KLHL6: variants seen among roughly 807,000 people sequenced by gnomAD.
KLHL6 encodes kelch like family member 6, also known as kelch-like protein 6.
A neutral mutation model predicts 58.6 loss-of-function variants in KLHL6; 41 were observed. The observed-to-expected ratio is 0.70, with a 90% confidence interval of 0.55 to 0.91. KLHL6 has a LOEUF of 0.91. Among genes scored for constraint, KLHL6 ranks in the 40% least tolerant of loss-of-function variants. The pLI is 0.00. For missense variants in KLHL6, 714 were observed against 805.6 expected (o/e 0.89, Z 1.38); for synonymous variants, 338 against 322.7 (o/e 1.05, Z -0.51).
intron 2 of KLHL6, among the ~76,000 whole-genome samples, chr3:183,525,186 C>T (rs1255593727): frequency 6.6e-6 from 1 of 151,754 alleles, no homozygotes; most frequent in Non-Finnish European, 1.5e-5. Flanking sequence ...ATCACTTGAA[C>T]CCGGGAGGCG....
At chr3:183,507,839 A>G (rs1718052947) in intron 3 of KLHL6, among the ~76,000 whole-genome samples, 2 of 152,128 alleles carry the variant, frequency 1.3e-5, no homozygotes, top group African/African-American at 4.8e-5. Flanking sequence ...TGATTTCTAC[A>G]TCTCACCTAA....
intron 1 of KLHL6, among the ~76,000 whole-genome samples, chr3:183,546,986 T>C (rs1304740532): frequency 1.3e-5 from 2 of 150,896 alleles, no homozygotes; most frequent in Non-Finnish European, 2.9e-5. Flanking sequence ...ATCGCAGCTC[T>C]CTGCAACCTC....
At chr3:183,547,260 T>A (rs916415786) in intron 1 of KLHL6, among the ~76,000 whole-genome samples, 2 of 152,190 alleles carry the variant, frequency 1.3e-5, no homozygotes, top group African/African-American at 4.8e-5. Flanking sequence ...GTATACTCAC[T>A]GCTGAAGTAC....
chr3:183,506,980 A>T (rs1718027632), intron 3 of KLHL6, among the ~76,000 whole-genome samples: 1 of 152,200 alleles, frequency 6.6e-6, no homozygotes, highest in African/African-American at 2.4e-5. Context: ...ATTCAGATTG[A>T]CCTGGAGGCA....
intron 1 of KLHL6, among the ~76,000 whole-genome samples, chr3:183,543,637 T>A (rs1436664977): frequency 6.6e-6 from 1 of 151,564 alleles, no homozygotes; most frequent in Non-Finnish European, 1.5e-5. Flanking sequence ...GGCCTCCACC[T>A]CTCCCAAAAT....
Position 183,492,656 on chromosome 3 carries a change from T to A in KLHL6, c.1402A>T (p.Lys468Ter), listed in dbSNP as rs1377805932. 6.2e-7 allele frequency: 1 copy of A among 1,613,906 alleles called. No homozygotes were observed. The highest frequency in any genetic ancestry group is 1.3e-5 in the African/African-American group (1 of 74,916). Residue 468 changes from lysine to a stop codon, truncating the protein, a stop_gained, in exon 6 of 7, where the codon AAG (lysine) becomes TAG (stop). Transcript: ENST00000341319. LOFTEE classifies it high-confidence loss of function. The surrounding 1 kb of genome is among the most constrained non-coding windows in gnomAD (Gnocchi z 5.9). ...CCTCCCCCGATCACATACAGCTTCTTCTTATGGCTGGTGGCTGCAAAGGAA... is the reference window on the plus strand; with the variant it reads ...CCTCCCCCGATCACATACAGCTTCTACTTATGGCTGGTGGCTGCAAAGGAA... ...VSSFAATSHKKKLYVIGGGPN... is the reference protein window; with the variant it reads ...VSSFAATSHK
intron 1 of KLHL6, among the ~76,000 whole-genome samples, chr3:183,530,890 G>A (rs1712134197): frequency 6.7e-6 from 1 of 149,474 alleles, no homozygotes; most frequent in South Asian, 2.1e-4. Context: ...GGAGTACAGT[G>A]GTGCCATCTC....
intron 3 of KLHL6, 94 bp downstream of exon 3, chr3:183,507,965 G>T: frequency 8.8e-7 from 1 of 1,132,624 alleles, no homozygotes; most frequent in Non-Finnish European, 1.3e-6. Flanking sequence ...AATGCCCTAA[G>T]GATTTTTGAA....
Position 183,490,503 on chromosome 3 carries a change from T to C in KLHL6, c.*1424A>G, listed in dbSNP as rs1717511847. 6.9e-6 allele frequency: 1 copy of C among 145,160 alleles called. No homozygotes were observed. Among genetic ancestry groups the C allele is most frequent in the Non-Finnish European group, 1.5e-5 (1 of 66,770 alleles). The allele number at this position is 145,160 out of a possible 1,614,324, so 9.0% of individuals were successfully genotyped here. On this transcript the variant is annotated 3_prime_UTR_variant, in exon 7 of 7. Coordinates refer to ENST00000341319, the MANE Select transcript of KLHL6 (RefSeq NM_130446.4). Reference sequence around the variant, plus strand: ...AGTTCCGGTCCAAAATGGGCCATCTTATGATCATTTAAAAAAAAAAAGACC... The same window carrying C: ...AGTTCCGGTCCAAAATGGGCCATCTCATGATCATTTAAAAAAAAAAAGACC...
At position 183,499,345 on chromosome 3, in the gene KLHL6, C is replaced by A. The variant is rs1351464978; in HGVS notation, c.1147+245G>T. Among the ~76,000 whole-genome samples, 5 of 145,752 alleles carry A rather than the reference C, an allele frequency of 3.4e-5. No individual in the cohort carries two copies. The highest frequency in any genetic ancestry group is 6.8e-5 in the Admixed American group (1 of 14,638). Reference sequence around the variant, plus strand: ...TGAGCAACAGAGCGAGACGCTGTCTCAAAAAAAAAAGAAAAGAAAAGAAAA... The same window carrying A: ...TGAGCAACAGAGCGAGACGCTGTCTAAAAAAAAAAAGAAAAGAAAAGAAAA... On this transcript the variant is annotated intron_variant, in intron 4 of 6. Transcript: ENST00000341319. The surrounding 1 kb of genome is among the most constrained non-coding windows in gnomAD (Gnocchi z 4.6).
chr3:183,544,085 C>T (rs532476677), intron 1 of KLHL6, among the ~76,000 whole-genome samples: 12 of 149,162 alleles, frequency 8.0e-5, no homozygotes, highest in Admixed American at 3.4e-4. Flanking sequence ...ATCGCTTGAA[C>T]CTGGGAGGTA....
chr3:183,535,103 C>A (rs1265387418), intron 1 of KLHL6, among the ~76,000 whole-genome samples: 1 of 151,952 alleles, frequency 6.6e-6, no homozygotes, highest in African/African-American at 2.4e-5. Context: ...TGCCACCACG[C>A]CTGGCTAATT....
intron 2 of KLHL6, among the ~76,000 whole-genome samples, chr3:183,516,217 G>C (rs1280008432): frequency 1.3e-5 from 2 of 152,222 alleles, no homozygotes; most frequent in African/African-American, 4.8e-5. Context: ...TTTAGTGTGA[G>C]GGGTGTAGGG....
rs759111191 is a variant in KLHL6 at position 183,492,556 on chromosome 3, G to A, written c.1502C>T (p.Ala501Val). 6.2e-7 allele frequency: 1 copy of A among 1,614,230 alleles called. No individual in the cohort carries two copies. Among genetic ancestry groups the A allele is most frequent in the Admixed American group, 1.7e-5 (1 of 60,032 alleles). Residue 501 changes from alanine to valine, a missense_variant, in exon 6 of 7, where the codon GCC (alanine) becomes GTC (valine). Around this residue, in one of 2 missense-constraint regions of KLHL6, gnomAD observed 510 missense variants for 629.7 expected, o/e 0.81. Transcript: ENST00000341319. This position sits in a 1 kb window ranked among gnomAD's most constrained non-coding sequence, Gnocchi z 5.9. ...GATGCATTTAGCCTCCACGGGCATG[G>A]CCGCCTTCAAACTCCACTTGTTGGT... Reference protein sequence around the residue: ...PSTNKWSLKAAMPVEAKCINA... With the variant: ...PSTNKWSLKAVMPVEAKCINA...
intron 3 of KLHL6, among the ~76,000 whole-genome samples, chr3:183,501,139 C>T (rs1260585462): frequency 6.6e-6 from 1 of 152,162 alleles, no homozygotes; most frequent in African/African-American, 2.4e-5. Context: ...CTGGACAAAG[C>T]CTAGGCAATG....
At chr3:183,497,466 G>C (rs1459894568) in intron 4 of KLHL6, among the ~76,000 whole-genome samples, 2 of 152,262 alleles carry the variant, frequency 1.3e-5, no homozygotes, top group East Asian at 3.9e-4. Flanking sequence ...GACTGACTAT[G>C]ATGACCACAC....
intron 4 of KLHL6, among the ~76,000 whole-genome samples, chr3:183,494,486 T>A (rs1429707156): frequency 6.6e-6 from 1 of 152,194 alleles, no homozygotes; most frequent in Non-Finnish European, 1.5e-5. Flanking sequence ...ATGGATGATG[T>A]GCCACACTGT....
At chr3:183,538,175 C>T (rs1213432577) in intron 1 of KLHL6, among the ~76,000 whole-genome samples, 3 of 152,188 alleles carry the variant, frequency 2.0e-5, no homozygotes, top group Admixed American at 6.5e-5. Context: ...GAACATTCAA[C>T]GTACCTGCAC....
chr3:183,534,112 C>A (rs908433221), intron 1 of KLHL6, among the ~76,000 whole-genome samples: 1 of 125,440 alleles, frequency 8.0e-6, no homozygotes, highest in Non-Finnish European at 1.7e-5. Flanking sequence ...TTTAAAAGTA[C>A]TTTACTTTTA....
Sources: allele counts gnomAD v4.1 joint callset (sites outside exome capture counted in the v4.1 genomes callset), GRCh38; gene constraint gnomAD v4.1.1; regional missense constraint gnomAD v4.1.1; non-coding constraint Gnocchi (gnomAD v3.1); transcripts MANE v1.5; gene names NCBI Gene and HGNC (gene_info 2026-07-23, HGNC 2026-07-21).